HAUS6: variants seen among roughly 807,000 people sequenced by gnomAD.
The protein encoded by HAUS6 is HAUS augmin like complex subunit 6, also known as HAUS augmin-like complex subunit 6.
In HAUS6, 80 loss-of-function variants were observed where a neutral mutation model predicts 106.8. The ratio of observed to expected loss-of-function variants is 0.75; its 90% CI spans 0.63 to 0.90. HAUS6 has a LOEUF of 0.90. Ranked by LOEUF, HAUS6 falls within the 40% of genes least tolerant of loss-of-function variation. The probability of loss-of-function intolerance (pLI) is 0.00; values close to 1 mark genes in which losing one functional copy is unlikely to be tolerated. For missense variants in HAUS6, 1,155 were observed against 1,118.1 expected, an observed-to-expected ratio of 1.03 and a Z score of -0.47; for synonymous variants, 356 against 379.1, an observed-to-expected ratio of 0.94 and a Z score of 0.71.
At chr9:19,078,687 C>G (rs976853019) in intron 9 of HAUS6, among the ~76,000 whole-genome samples, 1 of 151,942 alleles carries the variant, frequency 6.6e-6, no homozygotes, top group South Asian at 2.1e-4. Flanking sequence ...ACTAAGGAGG[C>G]TGAGGTAGGA....
At position 19,088,377 on chromosome 9, in the gene HAUS6, C is replaced by A. The variant is rs150216429; in HGVS notation, c.584+1035G>T. The stretch of plus-strand genomic sequence containing the variant: ...GTTGCAGTGAGCCGAGATTGTGACA[C>A]TGCGCTCCAGCCAGGGCAACAGAGT... On this transcript the variant is annotated intron_variant, in intron 5 of 16. Coordinates refer to ENST00000380502, the MANE Select transcript of HAUS6 (RefSeq NM_017645.5). Among the ~76,000 whole-genome samples, 836 of 149,858 alleles carry A rather than the reference C, an allele frequency of 5.6e-3. 14 individuals carry two copies. Among genetic ancestry groups the A allele is most frequent in the African/African-American group, 0.02 (804 of 40,690 alleles).
chr9:19,085,190 G>A (rs1227258568), intron 7 of HAUS6, among the ~76,000 whole-genome samples: 1 of 152,154 alleles, frequency 6.6e-6, no homozygotes, highest in Non-Finnish European at 1.5e-5. Flanking sequence ...TGATGAATCT[G>A]TAATTGTCCA....
chr9:19,073,196 TAAAGTGAATATTGC>T (rs1564012008), intron 11 of HAUS6, among the ~76,000 whole-genome samples: 1 of 152,076 alleles, frequency 6.6e-6, no homozygotes, highest in Admixed American at 6.6e-5. Context: ...TTAAAAAACC[TAAAGTGAATATTGC>T]AAACCTTTGC....
intron 1 of HAUS6, among the ~76,000 whole-genome samples, chr9:19,098,818 T>C (rs554413144): frequency 1.3e-5 from 2 of 150,902 alleles, no homozygotes; most frequent in South Asian, 4.2e-4. Flanking sequence ...AGGTCGGGAG[T>C]TCGAGACCAG....
chr9:19,092,569 C>A (rs1325850648), intron 4 of HAUS6, among the ~76,000 whole-genome samples: 1 of 142,572 alleles, frequency 7.0e-6, no homozygotes, highest in Non-Finnish European at 1.5e-5. Flanking sequence ...GAGCCAAGAT[C>A]GCGCCATTGC....
At chr9:19,059,166 C>T (rs1032063881) in intron 15 of HAUS6, among the ~76,000 whole-genome samples, 165 bp from the exon 16 acceptor site, 1 of 152,172 alleles carries the variant, frequency 6.6e-6, no homozygotes, top group Non-Finnish European at 1.5e-5. Flanking sequence ...ATCCCAACAT[C>T]GAAGAACCCC....
intron 9 of HAUS6, among the ~76,000 whole-genome samples, chr9:19,078,856 A>AG (rs1253283393): frequency 1.3e-5 from 2 of 149,738 alleles, no homozygotes; most frequent in African/African-American, 4.9e-5. Context: ...AAAAAAAAAA[A>AG]AAAAAGACCA....
At chr9:19,092,916 C>CAAAAAAAAAAAAAAA (rs71494998) in intron 4 of HAUS6, among the ~76,000 whole-genome samples, 2,485 of 75,430 alleles carry the variant, frequency 0.033, 95 homozygotes, top group Non-Finnish European at 0.055. Flanking sequence ...AACTGTGTCT[C>CAAAAAAAAAAAAAAA]AAAAAAAAAA....
At chr9:19,095,596 A>C (rs774358948) in intron 2 of HAUS6, among the ~76,000 whole-genome samples, 11 of 152,242 alleles carry the variant, frequency 7.2e-5, no homozygotes, top group Non-Finnish European at 5.9e-5. Context: ...ATCCAAACAT[A>C]CCTATTATCC....
Position 19,058,736 on chromosome 9 carries a change from T to A in HAUS6, c.2031A>T (p.Glu677Asp), listed in dbSNP as rs143374581. Reference sequence around the variant, plus strand: ...AATCTGACTGATTTTGTGTTGGTGGTTCATCTATGTGACTGGTCAGCACAT... The same window carrying A: ...AATCTGACTGATTTTGTGTTGGTGGATCATCTATGTGACTGGTCAGCACAT... ...QKHVLTSHID[E>D]PPTQNQSDLL... The change falls in exon 16 of 17, where the codon GAA becomes GAT. Residue 677 changes from glutamate to aspartate, a missense_variant. Physicochemically the swap from Glu to Asp is conservative, Grantham distance 45. Around this residue, in one of 3 missense-constraint regions of HAUS6, gnomAD observed 380 missense variants for 394.8 expected, o/e 0.96. Coordinates refer to ENST00000380502, the MANE Select transcript of HAUS6 (RefSeq NM_017645.5). 5,140 of 1,614,144 alleles carry A rather than the reference T, an allele frequency of 3.2e-3. 18 individuals carry two copies. The highest frequency in any genetic ancestry group is 9.4e-3 in the Middle Eastern group (57 of 6,060).
chr9:19,078,299 A>ATGC lies in HAUS6; in HGVS notation c.1067_1068insGCA (p.Tyr356delinsTer). 6.9e-7 allele frequency: 1 copy of ATGC among 1,448,706 alleles called. No homozygotes were observed. 89.7% of individuals were successfully genotyped at this position (1,448,706 alleles called of 1,614,324 possible). On this transcript the variant is annotated stop_gained, in exon 10 of 17. Coordinates refer to ENST00000380502, the MANE Select transcript of HAUS6 (RefSeq NM_017645.5). LOFTEE classifies it high-confidence loss of function. ...TAGTTGTGAGATCATCTTTTATTCT[A>ATGC]TACCTATAATAGCATAAAAAAACTT... is the stretch of plus-strand genomic sequence containing the variant.
At position 19,062,886 on chromosome 9, in the gene HAUS6, G is replaced by A. The variant is rs1044456184; in HGVS notation, c.1629+122C>T. On this transcript the variant is annotated intron_variant, in intron 14 of 16. Coordinates refer to ENST00000380502, the MANE Select transcript of HAUS6 (RefSeq NM_017645.5). Reference sequence around the variant, plus strand: ...TCGCCATGTTGCCCATGCTGGTCTCGAACTTCTGGGCTCAAATGTTCCTCT... The same window carrying A: ...TCGCCATGTTGCCCATGCTGGTCTCAAACTTCTGGGCTCAAATGTTCCTCT... 8.0e-5 allele frequency: 60 copies of A among 753,716 alleles called. No homozygotes were observed. In the East Asian group the frequency reaches 1.1e-3, roughly 13 times the overall value. 46.7% of individuals were successfully genotyped at this position (753,716 alleles called of 1,614,324 possible).
In HAUS6 at chr9:19,063,654, A is replaced by C. The variant is rs749266039; in HGVS notation, c.1377-74T>G. On this transcript the variant is annotated intron_variant, in intron 12 of 16. Coordinates refer to ENST00000380502, the MANE Select transcript of HAUS6 (RefSeq NM_017645.5). ...CCATTCCCTTTACGAGTCTATTCTA[A>C]AATCTGTCTGCCCCGTATCTGTCCG... The C allele has an allele frequency of 3.0e-6, 3 of 993,744 alleles. No individual in the cohort carries two copies. The Admixed American group carries it at 5.1e-5, about 17-fold the overall frequency. 61.6% of individuals were successfully genotyped at this position (993,744 alleles called of 1,614,324 possible).
rs1364131358 is a variant in HAUS6, at chr9:19,102,433, G to A, written c.128+91C>T. 3.6e-6 allele frequency: 5 copies of A among 1,387,132 alleles called. No homozygotes were observed. In the East Asian group the frequency reaches 9.2e-5, roughly 26 times the overall value. 85.9% of individuals were successfully genotyped at this position (1,387,132 alleles called of 1,614,324 possible). A position where few individuals can be genotyped will look rare whatever the true frequency, so the allele number is the denominator to read the frequency against. On this transcript the variant is annotated intron_variant, in intron 1 of 16. Coordinates refer to ENST00000380502, the MANE Select transcript of HAUS6 (RefSeq NM_017645.5). ...ACAGAGTAACTGCTCAACCAATTCT[G>A]ATTAATCAACCTCCGGGGTCTACAA...
chr9:19,092,868 T>G (rs1817783521), intron 4 of HAUS6, among the ~76,000 whole-genome samples: 1 of 143,794 alleles, frequency 7.0e-6, no homozygotes, highest in Non-Finnish European at 1.5e-5. Flanking sequence ...GAGGTTGGAG[T>G]GAGCCAAGAT....
intron 2 of HAUS6, 125 bp from the exon 3 acceptor site, chr9:19,094,520 G>A (rs529773894): frequency 3.1e-5 from 19 of 613,566 alleles, no homozygotes; most frequent in East Asian, 2.9e-4. Context: ...GGCCAAGCGC[G>A]GTGGCTCACA....
At position 19,078,226 on chromosome 9, in the gene HAUS6, T is replaced by A. The variant is rs1400053000; in HGVS notation, c.1141A>T (p.Lys381Ter). The A allele has an allele frequency of 6.3e-7, 1 of 1,595,798 alleles. No individual in the cohort carries two copies. The highest frequency in any genetic ancestry group is 2.2e-5 in the East Asian group (1 of 44,798). ...AAAGGAGACAAACCAAGAAATTCTT[T>A]CCACTTTTTATGCCATTCTCCTTGC... ...EKQGEWHKKWKEFLGLSPFSL... is the reference protein window; with the variant it reads ...EKQGEWHKKW Residue 381 changes from lysine (K) to a stop codon, truncating the protein, a stop_gained, in exon 10 of 17, where the codon AAA (lysine) becomes TAA (stop). Coordinates refer to ENST00000380502, the MANE Select transcript of HAUS6 (RefSeq NM_017645.5). LOFTEE classifies it high-confidence loss of function.
At chr9:19,070,401 C>A in intron 11 of HAUS6, 101 bp from the exon 12 acceptor site, 2 of 673,622 alleles carry the variant, frequency 3.0e-6, no homozygotes, top group Non-Finnish European at 5.3e-6. Flanking sequence ...CAGAAGAAAA[C>A]AGAAAAACCA....
At position 19,058,847 on chromosome 9, in the gene HAUS6, G is replaced by C. The variant is rs1342969970; in HGVS notation, c.1920C>G (p.Leu640=). 1.2e-6 allele frequency: 2 copies of C among 1,614,120 alleles called. No individual in the cohort carries two copies. Among genetic ancestry groups the C allele is most frequent in the Admixed American group, 1.7e-5 (1 of 60,026 alleles). Residue 640 remains leucine (L), a synonymous_variant, in exon 16 of 17, where the codon CTC becomes CTG. Transcript: ENST00000380502. The part of the protein sequence containing the change: ...NQREFSMADF[L]LETTVSDFGQ... ...CAAAATCTGATACAGTGGTTTCTAA[G>C]AGAAAATCAGCCATGCTAAATTCTC...
Sources: allele counts gnomAD v4.1 joint callset (sites outside exome capture counted in the v4.1 genomes callset), GRCh38; gene constraint gnomAD v4.1.1; regional missense constraint gnomAD v4.1.1; transcripts MANE v1.5; gene names NCBI Gene and HGNC (gene_info 2026-07-23, HGNC 2026-07-21).